TBC1D10B: variants seen among roughly 807,000 people sequenced by gnomAD.
TBC1D10B encodes the protein Rab27A-GAPbeta.
Under a neutral mutation model 78.4 loss-of-function variants are expected in TBC1D10B, and 25 were observed. The observed-to-expected ratio is 0.32, with a 90% CI of 0.23 to 0.45. TBC1D10B has a LOEUF of 0.45. Among genes scored for constraint, TBC1D10B ranks in the 20% least tolerant of loss-of-function variants. TBC1D10B has a pLI of 1.00. For missense variants in TBC1D10B, 996 were observed against 1,104.8 expected (o/e 0.90, Z 1.40); for synonymous variants, 517 against 478.0 (o/e 1.08, Z -1.06).
In TBC1D10B at chr16:30,365,369, C is replaced by T. The variant is rs374287506; in HGVS notation, c.1056+126G>A. On this transcript the variant is annotated intron_variant, in intron 2 of 8. Coordinates refer to ENST00000409939, the MANE Select transcript of TBC1D10B (RefSeq NM_015527.4). This position sits in a 1 kb window ranked among gnomAD's most constrained non-coding sequence, Gnocchi z 5.0. Reference sequence around the variant, plus strand: ...ACTTCTATTTTTAAAGCCATTCCCCCGCCAGGGCCCATCTATCCCCAGTGT... The same window carrying T: ...ACTTCTATTTTTAAAGCCATTCCCCTGCCAGGGCCCATCTATCCCCAGTGT... 4.2e-5 allele frequency: 55 copies of T among 1,313,112 alleles called. No individual in the cohort carries two copies. The highest frequency in any genetic ancestry group is 1.8e-4 in the Middle Eastern group (1 of 5,454). The allele number at this position is 1,313,112 out of a possible 1,614,324, so 81.3% of individuals were successfully genotyped here. A position where few individuals can be genotyped will look rare whatever the true frequency, so the allele number is the denominator to read the frequency against.
Position 30,359,381 on chromosome 16 carries a change from T to C in TBC1D10B, c.1453-20A>G. ...GGCCTCCTGCAGGTGGGACAAGCCA[T>C]GAGAAGAGGGCCAAGTCAGCTGTGC... On this transcript the variant is annotated intron_variant, in intron 6 of 8. Transcript: ENST00000409939. 6.4e-7 allele frequency: 1 copy of C among 1,556,870 alleles called. No homozygotes were observed. Among genetic ancestry groups the C allele is most frequent in the Non-Finnish European group, 8.7e-7 (1 of 1,150,400 alleles).
chr16:30,364,888 C>G lies in TBC1D10B; in HGVS notation c.1271+12G>C. 4 of 1,597,026 alleles carry G rather than the reference C, an allele frequency of 2.5e-6. No homozygotes were observed. The highest frequency in any genetic ancestry group is 3.4e-6 in the Non-Finnish European group (4 of 1,172,000). ...TGTTTGCTGACTGACCCCCATGGTCCGGCCACCTTACCCATGCCCCCCTCG... is the reference window on the plus strand; with the variant it reads ...TGTTTGCTGACTGACCCCCATGGTCGGGCCACCTTACCCATGCCCCCCTCG... On this transcript the variant is annotated intron_variant, in intron 4 of 8. Transcript: ENST00000409939.
In TBC1D10B at chr16:30,359,006, G is replaced by A. The variant is rs958420366; in HGVS notation, c.1642+166C>T. The A allele has an allele frequency of 1.6e-5, 19 of 1,208,878 alleles. No homozygotes were observed. In the Admixed American group the frequency reaches 4.5e-4, roughly 29 times the overall value. The allele number at this position is 1,208,878 out of a possible 1,614,324, so 74.9% of individuals were successfully genotyped here. Reference sequence around the variant, plus strand: ...GGCAGGGAGAGCAGGCTCTGGGTTGGTGGCAGAACTAAAATCAGGCCTGTT... The same window carrying A: ...GGCAGGGAGAGCAGGCTCTGGGTTGATGGCAGAACTAAAATCAGGCCTGTT... On this transcript the variant is annotated intron_variant, in intron 7 of 8. Transcript: ENST00000409939.
Position 30,370,040 on chromosome 16 carries a change from G to A in TBC1D10B, c.144C>T (p.Ala48=). The change falls in exon 1 of 9, where the codon GCC becomes GCT. Residue 48 remains alanine (A), a synonymous_variant. Transcript: ENST00000409939. Reference sequence around the variant, plus strand: ...CCCCGGGGGCCACCAGGGTGACGGGGGCCGAAGTGGCCGTAGTCACTGGAG... The same window carrying A: ...CCCCGGGGGCCACCAGGGTGACGGGAGCCGAAGTGGCCGTAGTCACTGGAG... ...PGPPVTTATS[A]PVTLVAPGEA... 1 of 1,230,142 alleles carries A rather than the reference G, an allele frequency of 8.1e-7. No homozygotes were observed. The highest frequency in any genetic ancestry group is 1.0e-6 in the Non-Finnish European group (1 of 986,672). 76.2% of individuals were successfully genotyped at this position (1,230,142 alleles called of 1,614,324 possible). A position where few individuals can be genotyped will look rare whatever the true frequency, so the allele number is the denominator to read the frequency against.
rs961967623 is a variant in TBC1D10B, at chr16:30,370,194, C to G, written c.-11G>C. 3 of 1,149,420 alleles carry G rather than the reference C, an allele frequency of 2.6e-6. No individual in the cohort carries two copies. In the African/African-American group the frequency reaches 4.9e-5, roughly 19 times the overall value. The allele number at this position is 1,149,420 out of a possible 1,614,324, so 71.2% of individuals were successfully genotyped here. A position where few individuals can be genotyped will look rare whatever the true frequency, so the allele number is the denominator to read the frequency against. On this transcript the variant is annotated 5_prime_UTR_variant, in exon 1 of 9. Transcript: ENST00000409939. Reference sequence around the variant, plus strand: ...CGTGCCCGTCTCCATGGCCGCGGGCCGCCCCTCACATCCCCCCGCCGGGGA... The same window carrying G: ...CGTGCCCGTCTCCATGGCCGCGGGCGGCCCCTCACATCCCCCCGCCGGGGA...
At chr16:30,360,503 A>AT (rs1459510928) in intron 4 of TBC1D10B, among the ~76,000 whole-genome samples, 2 of 152,080 alleles carry the variant, frequency 1.3e-5, no homozygotes, top group East Asian at 3.9e-4. Flanking sequence ...TTTCTTGCCC[A>AT]TAAAAAATGA....
In TBC1D10B at chr16:30,369,944, T is replaced by TGGGGCC; in HGVS notation, c.234_239dup (p.Pro82_Ala83dup). ...CCGTGCTGCCCGTGACAGCCGGGGCTGGGGCCGGGGCTGGGGCCGGGGCCG... is the reference window on the plus strand; with the variant it reads ...CCGTGCTGCCCGTGACAGCCGGGGCTGGGGCCGGGGCCGGGGCTGGGGCCGGGGCCG... On this transcript the variant is annotated inframe_insertion, in exon 1 of 9. Coordinates refer to ENST00000409939, the MANE Select transcript of TBC1D10B (RefSeq NM_015527.4). The surrounding 1 kb of genome is among the most constrained non-coding windows in gnomAD (Gnocchi z 4.3). The TGGGGCC allele has an allele frequency of 8.2e-7, 1 of 1,212,546 alleles. No individual in the cohort carries two copies. Among genetic ancestry groups the TGGGGCC allele is most frequent in the Non-Finnish European group, 1.0e-6 (1 of 952,568 alleles). 75.1% of individuals were successfully genotyped at this position (1,212,546 alleles called of 1,614,324 possible). A position where few individuals can be genotyped will look rare whatever the true frequency, so the allele number is the denominator to read the frequency against.
rs1481922775 is a variant in TBC1D10B at position 30,365,931 on chromosome 16, A to G, written c.957-337T>C. 3.6e-6 allele frequency: 1 copy of G among 279,646 alleles called. No individual in the cohort carries two copies. Among genetic ancestry groups the G allele is most frequent in the Non-Finnish European group, 7.0e-6 (1 of 142,118 alleles). 17.3% of individuals were successfully genotyped at this position (279,646 alleles called of 1,614,324 possible). ...TTATTCATTGTGTGACCTTGGGCAA[A>G]TCACTTAATTTTGCTAAGCCCAATT... On this transcript the variant is annotated intron_variant, in intron 1 of 8. Transcript: ENST00000409939. This position sits in a 1 kb window ranked among gnomAD's most constrained non-coding sequence, Gnocchi z 5.0.
In TBC1D10B at chr16:30,365,693, G is replaced by A. The variant is rs1422480533; in HGVS notation, c.957-99C>T. 9.7e-6 allele frequency: 11 copies of A among 1,128,370 alleles called. No homozygotes were observed. The highest frequency in any genetic ancestry group is 1.5e-5 in the Non-Finnish European group (11 of 757,100). 69.9% of individuals were successfully genotyped at this position (1,128,370 alleles called of 1,614,324 possible). On this transcript the variant is annotated intron_variant, in intron 1 of 8. Coordinates refer to ENST00000409939, the MANE Select transcript of TBC1D10B (RefSeq NM_015527.4). The surrounding 1 kb of genome is among the most constrained non-coding windows in gnomAD (Gnocchi z 5.0). Reference sequence around the variant, plus strand: ...AAGCCACCTCCCCAAGCTCAAACGAGAAACTGGATAGTCTGTGAGCTGCCA... The same window carrying A: ...AAGCCACCTCCCCAAGCTCAAACGAAAAACTGGATAGTCTGTGAGCTGCCA...
At position 30,358,001 on chromosome 16, in the gene TBC1D10B, G is replaced by A. The variant is rs1333223302; in HGVS notation, c.2370C>T (p.Gly790=). 2.6e-6 allele frequency: 4 copies of A among 1,551,680 alleles called. No homozygotes were observed. Among genetic ancestry groups the A allele is most frequent in the African/African-American group, 2.7e-5 (2 of 73,074 alleles). The change falls in exon 9 of 9, where the codon GGC becomes GGT. Residue 790 remains glycine, a synonymous_variant. Transcript: ENST00000409939. ...SLRRKADGPP[G]PHDGGDRPSA... The stretch of plus-strand genomic sequence containing the variant: ...AGGGCCTGTCCCCACCATCATGGGG[G>A]CCTGGGGGCCCATCTGCCTTTCGAC...
intron 7 of TBC1D10B, 129 bp downstream of exon 7, chr16:30,359,043 C>T (rs2049580976): frequency 2.3e-6 from 3 of 1,311,074 alleles, no homozygotes; most frequent in South Asian, 3.1e-5. Context: ...CTCCAGCCCC[C>T]AGCTGCTTAT....
chr16:30,359,315 C>T lies in TBC1D10B; in HGVS notation c.1499G>A (p.Arg500Gln), dbSNP rs202036208. ...DGEIFFALLR[R>Q]ASPLAHRHLR... ...GTGGCGATGCGCCAGCGGGGAGGCC[C>T]GGCGCAGGAGTGCAAAAAAGATCTC... Residue 500 changes from arginine (R) to glutamine (Q), a missense_variant, in exon 7 of 9, where the codon CGG becomes CAG. Arg to Gln is a conservative substitution (Grantham distance 43). This residue lies in a region of TBC1D10B where 168 missense variants were observed against 238.7 expected (regional missense o/e 0.70). Transcript: ENST00000409939. The T allele has an allele frequency of 6.9e-6, 11 of 1,594,210 alleles. No individual in the cohort carries two copies. The highest frequency in any genetic ancestry group is 2.3e-5 in the South Asian group (2 of 88,332).
Position 30,365,090 on chromosome 16 carries a change from T to C in TBC1D10B, c.1164+15A>G. 6.2e-7 allele frequency: 1 copy of C among 1,613,794 alleles called. No individual in the cohort carries two copies. Among genetic ancestry groups the C allele is most frequent in the Non-Finnish European group, 8.5e-7 (1 of 1,179,716 alleles). ...GACAGGGCCACATGTCCCCACACCT[T>C]GGAGCTGCACGCACCTCAAACTTTC... On this transcript the variant is annotated intron_variant, in intron 3 of 8. Transcript: ENST00000409939. The surrounding 1 kb of genome is among the most constrained non-coding windows in gnomAD (Gnocchi z 5.0).
At position 30,358,852 on chromosome 16, in the gene TBC1D10B, C is replaced by T. The variant is rs1416862273; in HGVS notation, c.1643-35G>A. ...TGGAGAGTAGAGAGCATGGGGTGGT[C>T]AGACCCAAGATCTCAGCCTGTCCTG... On this transcript the variant is annotated intron_variant, in intron 7 of 8. Transcript: ENST00000409939. The T allele has an allele frequency of 3.2e-6, 5 of 1,575,146 alleles. No homozygotes were observed. In the African/African-American group the frequency reaches 6.7e-5, roughly 21 times the overall value.
Position 30,370,326 on chromosome 16 carries a change from G to A in TBC1D10B, c.-143C>T, listed in dbSNP as rs1158448604. 1 of 258,746 alleles carries A rather than the reference G, an allele frequency of 3.9e-6. No individual in the cohort carries two copies. Among genetic ancestry groups the A allele is most frequent in the Non-Finnish European group, 6.4e-6 (1 of 156,400 alleles). 16.0% of individuals were successfully genotyped at this position (258,746 alleles called of 1,614,324 possible). A position where few individuals can be genotyped will look rare whatever the true frequency, so the allele number is the denominator to read the frequency against. ...GCGCCGGGGGCGGAGCGGCCGCTGG[G>A]CGCGCAGAGGCGGGGCAGGGGTCGG... On this transcript the variant is annotated 5_prime_UTR_variant, in exon 1 of 9. Transcript: ENST00000409939.
rs1304875506 is a variant in TBC1D10B, at chr16:30,359,199, G to A, written c.1615C>T (p.Arg539Cys). 1 of 1,612,758 alleles carries A rather than the reference G, an allele frequency of 6.2e-7. No individual in the cohort carries two copies. The highest frequency in any genetic ancestry group is 8.5e-7 in the Non-Finnish European group (1 of 1,179,370). Residue 539 changes from arginine (R) to cysteine (C), a missense_variant, in exon 7 of 9, where the codon CGT becomes TGT. Around this residue, in one of 5 missense-constraint regions of TBC1D10B, gnomAD observed 168 missense variants for 238.7 expected, o/e 0.70. Transcript: ENST00000409939. ...ARTLPWASVL[R>C]VWDMFFCEGV... ...TCACAGAAAAACATGTCCCAGACAC[G>A]CAGCACCGACGCCCAGGGCAGGGTG...
chr16:30,369,966 G>A lies in TBC1D10B; in HGVS notation c.218C>T (p.Ala73Val). Residue 73 changes from alanine (A) to valine (V), a missense_variant, in exon 1 of 9, where the codon GCC becomes GTC. Ala to Val is a moderately conservative substitution (Grantham distance 64). Around this residue, in one of 5 missense-constraint regions of TBC1D10B, gnomAD observed 448 missense variants for 442.1 expected, o/e 1.01. Transcript: ENST00000409939. This position sits in a 1 kb window ranked among gnomAD's most constrained non-coding sequence, Gnocchi z 4.3. ...VPGSAETSAP[A>V]PAPAPAPAPA... The stretch of plus-strand genomic sequence containing the variant: ...GGCTGGGGCCGGGGCTGGGGCCGGG[G>A]CCGGAGCAGAGGTCTCGGCCGACCC... 5 of 1,286,394 alleles carry A rather than the reference G, an allele frequency of 3.9e-6. No homozygotes were observed. The highest frequency in any genetic ancestry group is 4.9e-6 in the Non-Finnish European group (5 of 1,018,744). 79.7% of individuals were successfully genotyped at this position (1,286,394 alleles called of 1,614,324 possible). A position where few individuals can be genotyped will look rare whatever the true frequency, so the allele number is the denominator to read the frequency against.
At chr16:30,368,027 G>T (rs933452586) in intron 1 of TBC1D10B, 1 of 152,182 alleles carries the variant, frequency 6.6e-6, no homozygotes. Flanking sequence ...ATTTGAGGGG[G>T]ACAATTCACT....
Position 30,365,468 on chromosome 16 carries a change from G to C in TBC1D10B, c.1056+27C>G, listed in dbSNP as rs2049629354. On this transcript the variant is annotated intron_variant, in intron 2 of 8. Transcript: ENST00000409939. The surrounding 1 kb of genome is among the most constrained non-coding windows in gnomAD (Gnocchi z 5.0). Reference sequence around the variant, plus strand: ...TGCTACCCCTCCCAACTTGTGCATTGCCCTGCCCACCATTCAGCCCTCAAA... The same window carrying C: ...TGCTACCCCTCCCAACTTGTGCATTCCCCTGCCCACCATTCAGCCCTCAAA... The C allele has an allele frequency of 1.2e-6, 2 of 1,611,902 alleles. No individual in the cohort carries two copies. The highest frequency in any genetic ancestry group is 1.7e-6 in the Non-Finnish European group (2 of 1,177,996).
Sources: gnomAD v4.1 joint callset for allele counts (sites outside exome capture counted in the v4.1 genomes callset) on GRCh38, gnomAD v4.1.1 for gene constraint, gnomAD v4.1.1 regional missense constraint, Gnocchi (gnomAD v3.1) non-coding constraint, MANE v1.5 for transcripts, NCBI Gene and HGNC (gene_info 2026-07-23, HGNC 2026-07-21) for gene names.